Variants in LHFPL2 observed in about 807,000 individuals in gnomAD.
LHFPL2 encodes LHFPL tetraspan subfamily member 2, also known as LHFPL tetraspan subfamily member 2 protein.
Under a neutral mutation model 17.5 loss-of-function variants are expected in LHFPL2, and 7 were observed. The ratio of observed to expected loss-of-function variants is 0.40; its 90% CI spans 0.23 to 0.75. LHFPL2 has a LOEUF of 0.75. Ranked by LOEUF, LHFPL2 falls within the 30% of genes least tolerant of loss-of-function variation. The pLI is 0.37. For synonymous variants in LHFPL2, 134 were observed against 116.2 expected (o/e 1.15, Z -0.99); for missense variants, 241 against 294.8 (o/e 0.82, Z 1.34).
At chr5:78,596,702 AC>A (rs1743836803) in intron 2 of LHFPL2, among the ~76,000 whole-genome samples, 1 of 152,188 alleles carries the variant, frequency 6.6e-6, no homozygotes, top group African/African-American at 2.4e-5. Context: ...TGGTCCCAGA[AC>A]CCAGCTAGGA....
In LHFPL2 at chr5:78,512,845, A is replaced by T. The variant is rs185202780; in HGVS notation, c.-185-2447T>A. On this transcript the variant is annotated intron_variant, in intron 3 of 4. Transcript: ENST00000380345. ...AGTGGCATGATCTCGGCTCACTGCA[A>T]CCTCTCTGCCTCCCCTCTCCTGCCT... Among the ~76,000 whole-genome samples, 863 of 150,066 alleles carry T rather than the reference A, an allele frequency of 5.8e-3. 1 individual carries two copies. The highest frequency in any genetic ancestry group is 9.9e-3 in the Non-Finnish European group (666 of 67,612).
At chr5:78,542,779 A>G (rs1224258865) in intron 3 of LHFPL2, among the ~76,000 whole-genome samples, 1 of 152,204 alleles carries the variant, frequency 6.6e-6, no homozygotes, top group Non-Finnish European at 1.5e-5. Flanking sequence ...CTCCCTTACT[A>G]GACAGTGCAC....
intron 4 of LHFPL2, among the ~76,000 whole-genome samples, chr5:78,498,518 T>G (rs1310654897): frequency 1.3e-5 from 2 of 152,156 alleles, no homozygotes; most frequent in African/African-American, 4.8e-5. Context: ...GTGGAGATAT[T>G]TTCTCTTTTA....
intron 2 of LHFPL2, among the ~76,000 whole-genome samples, chr5:78,566,888 G>A (rs773168948): frequency 2.0e-5 from 3 of 152,174 alleles, no homozygotes; most frequent in Non-Finnish European, 2.9e-5. Context: ...TGGCTTCTGC[G>A]AAATATGCCA....
intron 4 of LHFPL2, among the ~76,000 whole-genome samples, chr5:78,489,888 T>C (rs1015355952): frequency 7.2e-6 from 1 of 138,900 alleles, no homozygotes; most frequent in Non-Finnish European, 1.6e-5. Context: ...GTTTACTGTC[T>C]GGCTTTCTGC....
intron 3 of LHFPL2, among the ~76,000 whole-genome samples, chr5:78,553,623 T>C (rs918195097): frequency 1.3e-5 from 2 of 152,146 alleles, no homozygotes; most frequent in African/African-American, 2.4e-5. Flanking sequence ...ATTAATAAAA[T>C]AGGAATAGAA....
intron 4 of LHFPL2, among the ~76,000 whole-genome samples, chr5:78,500,426 T>A (rs1330031469): frequency 6.6e-6 from 1 of 152,236 alleles, no homozygotes; most frequent in Non-Finnish European, 1.5e-5. Flanking sequence ...CAGGGGAAGC[T>A]GCTCATAATC....
At chr5:78,590,037 T>A (rs988218466) in intron 2 of LHFPL2, 4 of 152,224 alleles carry the variant, frequency 2.6e-5, no homozygotes, top group African/African-American at 9.6e-5. Context: ...TAATTAGATA[T>A]CCATATAACT....
At chr5:78,501,747 C>T (rs938346370) in intron 4 of LHFPL2, among the ~76,000 whole-genome samples, 19 of 152,156 alleles carry the variant, frequency 1.2e-4, no homozygotes, top group Non-Finnish European at 2.5e-4. Flanking sequence ...TTCAAGAGTT[C>T]GTGGACAAGC....
chr5:78,571,531 C>T (rs1375992201), intron 2 of LHFPL2, among the ~76,000 whole-genome samples: 1 of 152,132 alleles, frequency 6.6e-6, no homozygotes, highest in Non-Finnish European at 1.5e-5. Context: ...ATCCACTCAT[C>T]TCATGGCTCA....
chr5:78,517,995 C>G (rs1329956473), intron 3 of LHFPL2, among the ~76,000 whole-genome samples: 2 of 152,198 alleles, frequency 1.3e-5, no homozygotes, highest in African/African-American at 2.4e-5. Flanking sequence ...GCTGAATAAA[C>G]CAACCTCTAA....
At chr5:78,633,720 G>A (rs1745331205) in intron 1 of LHFPL2, among the ~76,000 whole-genome samples, 1 of 152,224 alleles carries the variant, frequency 6.6e-6, no homozygotes, top group Non-Finnish European at 1.5e-5. Context: ...CAATGGGGTA[G>A]GGGACTGAGC....
chr5:78,555,543 G>A (rs1177397539), intron 3 of LHFPL2, among the ~76,000 whole-genome samples: 1 of 152,266 alleles, frequency 6.6e-6, no homozygotes, highest in Non-Finnish European at 1.5e-5. Flanking sequence ...GAGGGGGAAA[G>A]AGGTATTTCT....
intron 1 of LHFPL2, among the ~76,000 whole-genome samples, chr5:78,647,242 T>A (rs1293456679): frequency 6.6e-6 from 1 of 152,188 alleles, no homozygotes. Flanking sequence ...CTCTATCTCT[T>A]AAATTTAAAA....
chr5:78,602,741 T>C, intron 2 of LHFPL2, among the ~76,000 whole-genome samples: 1 of 151,988 alleles, frequency 6.6e-6, no homozygotes, highest in Middle Eastern at 3.2e-3. Context: ...AGCCCAGAGG[T>C]CTACACCACT....
chr5:78,645,547 C>T (rs894994077), intron 1 of LHFPL2, among the ~76,000 whole-genome samples: 14 of 30,490 alleles, frequency 4.6e-4, no homozygotes, highest in Middle Eastern at 0.015. Context: ...GATGCATACA[C>T]ACACACACAC....
chr5:78,564,937 T>C (rs975478749), intron 2 of LHFPL2, 66 bp from the exon 3 acceptor site: 5 of 152,336 alleles, frequency 3.3e-5, no homozygotes, highest in East Asian at 3.9e-4. Context: ...AGACTTAGCA[T>C]GCAATTTTAT....
In LHFPL2 at chr5:78,512,887, T is replaced by C. The variant is rs559480963; in HGVS notation, c.-185-2489A>G. Among the ~76,000 whole-genome samples, 10 of 151,876 alleles carry C rather than the reference T, an allele frequency of 6.6e-5. No individual in the cohort carries two copies. In the East Asian group the frequency reaches 1.9e-3, roughly 30 times the overall value. On this transcript the variant is annotated intron_variant, in intron 3 of 4. Coordinates refer to ENST00000380345, the MANE Select transcript of LHFPL2 (RefSeq NM_005779.3). ...CTCCTGCCTCAGCATCCAGAGCAGCTGGGATTACAAGCACACACGACCATG... is the reference window on the plus strand; with the variant it reads ...CTCCTGCCTCAGCATCCAGAGCAGCCGGGATTACAAGCACACACGACCATG...
At chr5:78,614,720 GA>G (rs1214526294) in intron 2 of LHFPL2, among the ~76,000 whole-genome samples, 2 of 151,856 alleles carry the variant, frequency 1.3e-5, no homozygotes, top group African/African-American at 4.8e-5. Flanking sequence ...AAAAAATTTA[GA>G]AAAAAAAGTG....
Sources: allele counts gnomAD v4.1 joint callset (sites outside exome capture counted in the v4.1 genomes callset), GRCh38; gene constraint gnomAD v4.1.1; transcripts MANE v1.5; gene names NCBI Gene and HGNC (gene_info 2026-07-23, HGNC 2026-07-21).